The following MSI2 variants were observed in gnomAD, a reference collection of about 807,000 sequenced individuals.
The protein encoded by MSI2 is musashi RNA binding protein 2.
MSI2 carries 17 observed loss-of-function variants against 45.6 expected under a neutral mutation model. The ratio of observed to expected loss-of-function variants is 0.37; its 90% CI spans 0.26 to 0.56. MSI2 has a LOEUF of 0.56. Among genes scored for constraint, MSI2 ranks in the 20% least tolerant of loss-of-function variants. The pLI is 0.77. For synonymous variants in MSI2, 156 were observed against 158.2 expected (o/e 0.99, Z 0.11); for missense variants, 293 against 444.2 (o/e 0.66, Z 3.06).
chr17:57,596,771 C>T lies in MSI2; in HGVS notation c.455-97C>T. ...GCCTACCTACCCCCAGACCAGGAGG[C>T]TGTCAAGACCTCAGGACGTCAGAGA... On this transcript the variant is annotated intron_variant, in intron 7 of 13. Coordinates refer to ENST00000284073, the MANE Select transcript of MSI2 (RefSeq NM_138962.4). The surrounding 1 kb of genome is among the most constrained non-coding windows in gnomAD (Gnocchi z 4.6). The T allele has an allele frequency of 1.3e-6, 1 of 790,224 alleles. No homozygotes were observed. The highest frequency in any genetic ancestry group is 1.4e-5 in the South Asian group (1 of 70,324). The allele number at this position is 790,224 out of a possible 1,614,324, so 49.0% of individuals were successfully genotyped here. A position where few individuals can be genotyped will look rare whatever the true frequency, so the allele number is the denominator to read the frequency against.
intron 6 of MSI2, among the ~76,000 whole-genome samples, chr17:57,453,980 G>A (rs1202078179): frequency 6.6e-6 from 1 of 152,148 alleles, no homozygotes. Flanking sequence ...TACCTCTCTG[G>A]GAAGAAAGGG....
At chr17:57,518,770 C>T (rs935284233) in intron 6 of MSI2, among the ~76,000 whole-genome samples, 22 of 152,338 alleles carry the variant, frequency 1.4e-4, no homozygotes, top group African/African-American at 3.4e-4. Flanking sequence ...AGCACATGCA[C>T]GCACGCACTC....
In MSI2 at chr17:57,679,627, C is replaced by T. The variant is rs370511484; in HGVS notation, c.*110C>T. On this transcript the variant is annotated 3_prime_UTR_variant, in exon 14 of 14. Coordinates refer to ENST00000284073, the MANE Select transcript of MSI2 (RefSeq NM_138962.4). Reference sequence around the variant, plus strand: ...TTTAGGTGATGTCCTCAGACCTGGACCCCCACCAGCCTCACTCCCCATCCC... The same window carrying T: ...TTTAGGTGATGTCCTCAGACCTGGATCCCCACCAGCCTCACTCCCCATCCC... 1 of 1,063,646 alleles carries T rather than the reference C, an allele frequency of 9.4e-7. No homozygotes were observed. The highest frequency in any genetic ancestry group is 1.1e-6 in the Non-Finnish European group (1 of 877,918). The allele number at this position is 1,063,646 out of a possible 1,614,324, so 65.9% of individuals were successfully genotyped here.
intron 6 of MSI2, among the ~76,000 whole-genome samples, chr17:57,504,193 C>T (rs572246538): frequency 1.3e-5 from 2 of 152,328 alleles, no homozygotes; most frequent in Admixed American, 1.3e-4. Flanking sequence ...CCGCCTCTTC[C>T]TGCAGGGCAC....
At chr17:57,593,606 T>C (rs1480009896) in intron 7 of MSI2, among the ~76,000 whole-genome samples, 2 of 152,196 alleles carry the variant, frequency 1.3e-5, no homozygotes, top group Non-Finnish European at 2.9e-5. Context: ...GATTCTTAAT[T>C]AAATTACATT....
chr17:57,256,370 G>A (rs534969218), upstream of MSI2, among the ~76,000 whole-genome samples: 2 of 151,484 alleles, frequency 1.3e-5, no homozygotes, highest in South Asian at 2.1e-4. Flanking sequence ...GGGGCCGCAC[G>A]GGGGTGCGTG....
In MSI2 at chr17:57,256,734, G is replaced by A. The variant is rs1380575698; in HGVS notation, c.-9G>A. The A allele has an allele frequency of 5.0e-6, 4 of 806,278 alleles. No homozygotes were observed. The East Asian group carries it at 3.1e-4, about 63-fold the overall frequency. 49.9% of individuals were successfully genotyped at this position (806,278 alleles called of 1,614,324 possible). A position where few individuals can be genotyped will look rare whatever the true frequency, so the allele number is the denominator to read the frequency against. ...TTTTTTGGGGGTGGGGGGGCGGGGGGGCTCAGATATGGAGGCAAATGGGAG... is the reference window on the plus strand; with the variant it reads ...TTTTTTGGGGGTGGGGGGGCGGGGGAGCTCAGATATGGAGGCAAATGGGAG... On this transcript the variant is annotated 5_prime_UTR_variant, in exon 1 of 14. Coordinates refer to ENST00000284073, the MANE Select transcript of MSI2 (RefSeq NM_138962.4).
intron 5 of MSI2, among the ~76,000 whole-genome samples, chr17:57,334,801 A>G (rs79389444): frequency 6.6e-6 from 1 of 151,956 alleles, no homozygotes; most frequent in Non-Finnish European, 1.5e-5. Context: ...CTCAAAAAAA[A>G]AAATAAATAA....
At chr17:57,438,960 C>T (rs766739401) in intron 6 of MSI2, among the ~76,000 whole-genome samples, 22 of 152,038 alleles carry the variant, frequency 1.4e-4, no homozygotes, top group African/African-American at 5.1e-4. Context: ...CCACCACGCC[C>T]GGCTATTTGT....
chr17:57,489,470 C>T (rs2085824084), intron 6 of MSI2, among the ~76,000 whole-genome samples: 1 of 152,116 alleles, frequency 6.6e-6, no homozygotes, highest in African/African-American at 2.4e-5. Flanking sequence ...GCCAAATGGC[C>T]CTGGGGTTCT....
chr17:57,407,860 A>G lies in MSI2; in HGVS notation c.405+6389A>G, dbSNP rs2084113361. ...AATCTTCTGCCTGGTTTGTGTCAGC[A>G]TCTCCCTCTGGAAGTGTGTCATAAG... On this transcript the variant is annotated intron_variant, in intron 6 of 13. Coordinates refer to ENST00000284073, the MANE Select transcript of MSI2 (RefSeq NM_138962.4). This position sits in a 1 kb window ranked among gnomAD's most constrained non-coding sequence, Gnocchi z 4.1. Among the ~76,000 whole-genome samples, 1 of 152,194 alleles carries G rather than the reference A, an allele frequency of 6.6e-6. No homozygotes were observed.
intron 5 of MSI2, among the ~76,000 whole-genome samples, chr17:57,301,571 C>T (rs1379612945): frequency 6.6e-6 from 1 of 152,222 alleles, no homozygotes; most frequent in East Asian, 1.9e-4. Context: ...GCTTTTCACC[C>T]TTGTATTAGA....
chr17:57,662,123 G>C (rs1912032817), intron 11 of MSI2, among the ~76,000 whole-genome samples: 1 of 152,128 alleles, frequency 6.6e-6, no homozygotes, highest in Non-Finnish European at 1.5e-5. Context: ...CTTTGTTCCT[G>C]GTTGCTTATT....
intron 7 of MSI2, among the ~76,000 whole-genome samples, chr17:57,587,780 A>T (rs1325524148): frequency 3.3e-5 from 5 of 152,140 alleles, no homozygotes; most frequent in Admixed American, 3.3e-4. Flanking sequence ...AAAATAAATT[A>T]AACTAAGTGT....
chr17:57,294,987 G>T (rs1048522214), intron 5 of MSI2, among the ~76,000 whole-genome samples: 14 of 151,958 alleles, frequency 9.2e-5, no homozygotes, highest in African/African-American at 3.1e-4. Flanking sequence ...GGATGCTAAA[G>T]GTGTTTCAGG....
intron 2 of MSI2, among the ~76,000 whole-genome samples, 160 bp downstream of exon 2, chr17:57,257,298 T>C (rs1906872313): frequency 7.0e-6 from 1 of 143,704 alleles, no homozygotes; most frequent in Non-Finnish European, 1.5e-5. Context: ...CTGAGCCCTC[T>C]ATGCGACCTC....
At chr17:57,644,214 GTTTTT>G (rs571385748) in intron 10 of MSI2, among the ~76,000 whole-genome samples, 1 of 87,450 alleles carries the variant, frequency 1.1e-5, no homozygotes, top group Admixed American at 1.1e-4. Flanking sequence ...AGGGTAAGTT[GTTTTT>G]TTTTTTTTTT....
intron 11 of MSI2, among the ~76,000 whole-genome samples, chr17:57,666,927 G>A (rs1224386269): frequency 2.0e-5 from 3 of 152,226 alleles, no homozygotes; most frequent in African/African-American, 2.4e-5. Context: ...ACATTTTCAG[G>A]ACTGAACTAG....
chr17:57,442,862 A>C (rs1469655556), intron 6 of MSI2, among the ~76,000 whole-genome samples: 1 of 152,198 alleles, frequency 6.6e-6, no homozygotes, highest in African/African-American at 2.4e-5. Flanking sequence ...TTGAAACAGG[A>C]GAGCCTGAGA....
Sources: allele counts gnomAD v4.1 joint callset (sites outside exome capture counted in the v4.1 genomes callset), GRCh38; gene constraint gnomAD v4.1.1; non-coding constraint Gnocchi (gnomAD v3.1); transcripts MANE v1.5; gene names NCBI Gene and HGNC (gene_info 2026-07-23, HGNC 2026-07-21).